PGCKA1: variants seen among roughly 807,000 people sequenced by gnomAD.
The protein encoded by PGCKA1 is PDCD10 and GCKIII kinases associated 1.
At chr4:37,575,012 T>G in the PGCKA1 span, among the ~76,000 whole-genome samples, 1 of 152,182 alleles carries the variant, frequency 6.6e-6, no homozygotes, top group African/African-American at 2.4e-5. Flanking sequence ...TATTCATTCT[T>G]CTGTTGCTTC....
At chr4:37,460,264 T>A in the PGCKA1 span, among the ~76,000 whole-genome samples, 1 of 152,324 alleles carries the variant, frequency 6.6e-6, no homozygotes, top group Non-Finnish European at 1.5e-5. Context: ...TGATTCCACG[T>A]CTTTGCTATT....
the PGCKA1 span, among the ~76,000 whole-genome samples, chr4:37,579,168 A>AC: frequency 6.6e-6 from 1 of 152,042 alleles, no homozygotes; most frequent in Non-Finnish European, 1.5e-5. Flanking sequence ...AAAGATTCTA[A>AC]CTTCATCCCC....
At chr4:37,571,798 A>T in the PGCKA1 span, among the ~76,000 whole-genome samples, 1 of 151,554 alleles carries the variant, frequency 6.6e-6, no homozygotes, top group Non-Finnish European at 1.5e-5. Flanking sequence ...CAGCCTCCCA[A>T]ATTTTGTATT....
At chr4:37,520,785 A>T in the PGCKA1 span, among the ~76,000 whole-genome samples, 30,821 of 151,552 alleles carry the variant, frequency 0.2, 3,854 homozygotes, top group African/African-American at 0.35. Flanking sequence ...GCCTGGCTAA[A>T]TTTTTGTATT....
chr4:37,523,385 G>A, the PGCKA1 span, among the ~76,000 whole-genome samples: 1 of 150,088 alleles, frequency 6.7e-6, no homozygotes, highest in Non-Finnish European at 1.5e-5. Flanking sequence ...GGTGATTCAG[G>A]ACTTTTTTTT....
chr4:37,552,823 A>C, the PGCKA1 span, among the ~76,000 whole-genome samples: 1 of 152,156 alleles, frequency 6.6e-6, no homozygotes, highest in Admixed American at 6.5e-5. Flanking sequence ...ACCACTTCAG[A>C]ACCTAATTTG....
At chr4:37,457,289 C>G in the PGCKA1 span, among the ~76,000 whole-genome samples, 1 of 152,168 alleles carries the variant, frequency 6.6e-6, no homozygotes, top group Admixed American at 6.5e-5. Flanking sequence ...TGGAAATGGA[C>G]AGTAGAACAG....
the PGCKA1 span, among the ~76,000 whole-genome samples, chr4:37,466,671 T>A: frequency 1.4e-5 from 2 of 138,750 alleles, no homozygotes; most frequent in South Asian, 4.7e-4. Flanking sequence ...GTCAATAAGA[T>A]CACCAGTACC....
the PGCKA1 span, among the ~76,000 whole-genome samples, chr4:37,465,605 A>G: frequency 6.6e-6 from 1 of 152,158 alleles, no homozygotes; most frequent in African/African-American, 2.4e-5. Flanking sequence ...CTTGCAGACC[A>G]CATGCTAAAA....
At chr4:37,542,343 C>G in the PGCKA1 span, among the ~76,000 whole-genome samples, 2 of 152,264 alleles carry the variant, frequency 1.3e-5, no homozygotes, top group East Asian at 1.9e-4. Flanking sequence ...AGAAATACCC[C>G]CTCCTAGTTC....
At chr4:37,533,314 T>A in the PGCKA1 span, among the ~76,000 whole-genome samples, 427 of 143,296 alleles carry the variant, frequency 3.0e-3, 1 homozygote, top group African/African-American at 0.01. Context: ...TTTATTTAGT[T>A]GAGTGAATTA....
the PGCKA1 span, among the ~76,000 whole-genome samples, chr4:37,560,057 C>T: frequency 7.7e-4 from 118 of 152,296 alleles, no homozygotes; most frequent in Non-Finnish European, 3.7e-4. Context: ...ACCATAGGCC[C>T]AAAGCCTTTC....
chr4:37,508,140 G>T, the PGCKA1 span, among the ~76,000 whole-genome samples: 3 of 151,994 alleles, frequency 2.0e-5, no homozygotes, highest in Non-Finnish European at 4.4e-5. Flanking sequence ...CTTTGGGAAG[G>T]ATCTTCCCAA....
the PGCKA1 span, among the ~76,000 whole-genome samples, chr4:37,518,180 G>A: frequency 1.3e-5 from 2 of 152,122 alleles, no homozygotes; most frequent in Non-Finnish European, 2.9e-5. Flanking sequence ...TAGATTGATG[G>A]CCACTTAGGT....
chr4:37,585,983 G>C, the PGCKA1 span, among the ~76,000 whole-genome samples: 4 of 151,384 alleles, frequency 2.6e-5, no homozygotes, highest in Admixed American at 1.3e-4. Flanking sequence ...TGTATGCATA[G>C]GTTCTGGCAA....
the PGCKA1 span, among the ~76,000 whole-genome samples, chr4:37,480,595 G>T: frequency 1.3e-5 from 2 of 152,274 alleles, no homozygotes. Flanking sequence ...GTTTTAGGGT[G>T]AGGGGGCTTG....
chr4:37,564,622 T>C, the PGCKA1 span, among the ~76,000 whole-genome samples: 1 of 152,058 alleles, frequency 6.6e-6, no homozygotes, highest in Admixed American at 6.6e-5. Flanking sequence ...TTCTCCTGCC[T>C]CAGCCTCCCA....
the PGCKA1 span, among the ~76,000 whole-genome samples, chr4:37,568,652 A>G: frequency 0.99 from 150,226 of 152,332 alleles, 74,099 homozygotes; most frequent in Middle Eastern, 1. Flanking sequence ...CCCAGAGGGC[A>G]GTATTGCGAA....
At chr4:37,534,658 C>T in the PGCKA1 span, among the ~76,000 whole-genome samples, 7 of 152,120 alleles carry the variant, frequency 4.6e-5, no homozygotes, top group Admixed American at 6.5e-5. Context: ...TGGTGTCTGG[C>T]GAGGGCTTGC....
Sources: allele counts gnomAD v4.1 joint callset (sites outside exome capture counted in the v4.1 genomes callset), GRCh38; gene constraint gnomAD v4.1.1; transcripts MANE v1.5; gene names NCBI Gene and HGNC (gene_info 2026-07-23, HGNC 2026-07-21).